The following SLU7 variants were observed in gnomAD, a reference collection of about 807,000 sequenced individuals.
The protein encoded by SLU7 is spliceosome associated SLU7.
A neutral mutation model predicts 87.0 loss-of-function variants in SLU7; 60 were observed. The observed-to-expected ratio is 0.69, with a 90% CI of 0.56 to 0.86. The LOEUF (loss-of-function observed/expected upper bound fraction) is 0.86, where lower values mean the gene tolerates loss of function less well. Ranked by LOEUF, SLU7 falls within the 40% of genes least tolerant of loss-of-function variation. The probability of loss-of-function intolerance (pLI) is 0.00; values close to 1 mark genes in which losing one functional copy is unlikely to be tolerated. For missense variants in SLU7, 507 were observed against 686.6 expected (o/e 0.74, Z 2.92); for synonymous variants, 197 against 222.0 (o/e 0.89, Z 1.00).
At chr5:160,411,539 T>C (rs953950815) in intron 6 of SLU7, among the ~76,000 whole-genome samples, 6 of 152,198 alleles carry the variant, frequency 3.9e-5, no homozygotes, top group Non-Finnish European at 8.8e-5. Flanking sequence ...TTTAAACACC[T>C]ATCTGGTAAC....
intron 6 of SLU7, among the ~76,000 whole-genome samples, chr5:160,411,181 C>G (rs1765219216): frequency 6.6e-6 from 1 of 151,726 alleles, no homozygotes; most frequent in African/African-American, 2.4e-5. Flanking sequence ...ATTCACTTTT[C>G]TAAGAGCATG....
chr5:160,415,878 A>T (rs914488556), intron 1 of SLU7, among the ~76,000 whole-genome samples: 1 of 151,402 alleles, frequency 6.6e-6, no homozygotes. Flanking sequence ...CTGACACTAC[A>T]TTCTCTTGGT....
intron 8 of SLU7, 43 bp from the exon 9 acceptor site, chr5:160,408,111 CAA>C: frequency 7.1e-7 from 1 of 1,417,586 alleles, no homozygotes; most frequent in Non-Finnish European, 9.9e-7. Context: ...TTACTCACAG[CAA>C]AAAGATTTCA....
intron 8 of SLU7, 39 bp downstream of exon 8, chr5:160,408,290 G>A (rs748117969): frequency 2.9e-5 from 45 of 1,564,484 alleles, no homozygotes; most frequent in Middle Eastern, 2.0e-4. Flanking sequence ...GGGAAGACAA[G>A]TATTTTTCAA....
At chr5:160,414,185 G>T in intron 3 of SLU7, 134 bp downstream of exon 3, 1 of 765,404 alleles carries the variant, frequency 1.3e-6, no homozygotes, top group Non-Finnish European at 2.1e-6. Flanking sequence ...AAATAGTAAT[G>T]CACTGTGAAT....
chr5:160,404,443 T>G lies in SLU7; in HGVS notation c.1578A>C (p.Lys526Asn). 2 of 1,561,942 alleles carry G rather than the reference T, an allele frequency of 1.3e-6. No individual in the cohort carries two copies. The highest frequency in any genetic ancestry group is 1.8e-6 in the Non-Finnish European group (2 of 1,140,852). ...CTATTTAGACTTCACAAATTACCTT[T>G]TTCAATTTTTCATGCTTCTTTTCTT... The part of the protein sequence containing the change: ...DDEEKKHEKL[K>N]KALNAEEARL... The change falls in exon 15 of 16, where the codon AAA becomes AAC. Residue 526 changes from lysine (K) to asparagine (N), a missense_variant. This residue lies in a region of SLU7 where 201 missense variants were observed against 213.4 expected (regional missense o/e 0.94). Transcript: ENST00000297151.
At chr5:160,403,510 G>A in intron 15 of SLU7, 46 bp from the exon 16 acceptor site, 1 of 1,485,760 alleles carries the variant, frequency 6.7e-7, no homozygotes, top group Non-Finnish European at 9.0e-7. Context: ...TACATCAGAT[G>A]TCTTTTCTTC....
At chr5:160,405,469 G>T (rs750321076) in intron 12 of SLU7, among the ~76,000 whole-genome samples, 1 of 152,246 alleles carries the variant, frequency 6.6e-6, no homozygotes, top group Non-Finnish European at 1.5e-5. Flanking sequence ...TGCCCCATTA[G>T]ATAGGGCTTG....
In SLU7 at chr5:160,413,453, C is replaced by T. The variant is rs1765322489; in HGVS notation, c.570+3G>A. On this transcript the variant is annotated splice_donor_region_variant and intron_variant, in intron 5 of 15. Transcript: ENST00000297151. ...CCCCAGGAAAGCAGGGAATTTTGCT[C>T]ACCAAATCAACTTTGGCATACTCTT... 1 of 1,612,484 alleles carries T rather than the reference C, an allele frequency of 6.2e-7. No homozygotes were observed. The highest frequency in any genetic ancestry group is 1.3e-5 in the African/African-American group (1 of 74,850).
At position 160,407,398 on chromosome 5, in the gene SLU7, C is replaced by A; in HGVS notation, c.1125+78G>T. 1 of 1,317,590 alleles carries A rather than the reference C, an allele frequency of 7.6e-7. No individual in the cohort carries two copies. Among genetic ancestry groups the A allele is most frequent in the Non-Finnish European group, 1.0e-6 (1 of 960,216 alleles). 81.6% of individuals were successfully genotyped at this position (1,317,590 alleles called of 1,614,324 possible). On this transcript the variant is annotated intron_variant, in intron 11 of 15. Coordinates refer to ENST00000297151, the MANE Select transcript of SLU7 (RefSeq NM_006425.5). The surrounding 1 kb of genome is among the most constrained non-coding windows in gnomAD (Gnocchi z 4.2). Reference sequence around the variant, plus strand: ...AGAGGGCTCTCTTTGCATTATTTTCCAAATGTAAAACTAACGCTTATTAAC... The same window carrying A: ...AGAGGGCTCTCTTTGCATTATTTTCAAAATGTAAAACTAACGCTTATTAAC...
intron 1 of SLU7, among the ~76,000 whole-genome samples, chr5:160,418,402 G>A (rs1176385838): frequency 6.6e-6 from 1 of 152,178 alleles, no homozygotes; most frequent in Non-Finnish European, 1.5e-5. Context: ...AAACCAGTAT[G>A]TTATACTTGT....
chr5:160,406,521 G>A lies in SLU7; in HGVS notation c.1234C>T (p.Arg412Trp), dbSNP rs1439807878. 3.7e-6 allele frequency: 6 copies of A among 1,613,410 alleles called. No homozygotes were observed. Among genetic ancestry groups the A allele is most frequent in the East Asian group, 2.2e-5 (1 of 44,824 alleles). ...TCATACTTAGAGCAGGCAACAGCCC[G>A]CTCCTGTCCTTTGATGACTGTCCCA... is the stretch of plus-strand genomic sequence containing the variant. ...RHGTVIKGQERAVACSKYEED... is the reference protein window; with the variant it reads ...RHGTVIKGQEWAVACSKYEED... The change falls in exon 12 of 16, where the codon CGG (arginine) becomes TGG (tryptophan). Residue 412 changes from arginine to tryptophan, a missense_variant. By Grantham distance (101) the Arg-to-Trp change is moderately radical. Transcript: ENST00000297151.
At position 160,412,453 on chromosome 5, in the gene SLU7, C is replaced by A. The variant is rs772717963; in HGVS notation, c.637G>T (p.Ala213Ser). 1 of 1,518,016 alleles carries A rather than the reference C, an allele frequency of 6.6e-7. No individual in the cohort carries two copies. Among genetic ancestry groups the A allele is most frequent in the Non-Finnish European group, 9.0e-7 (1 of 1,108,142 alleles). 94.0% of individuals were successfully genotyped at this position (1,518,016 alleles called of 1,614,324 possible). A position where few individuals can be genotyped will look rare whatever the true frequency, so the allele number is the denominator to read the frequency against. Reference sequence around the variant, plus strand: ...TATTGATCATTTTCATTACTTACAGCCTGTTCCACTAATTTTCCTGAGGCT... The same window carrying A: ...TATTGATCATTTTCATTACTTACAGACTGTTCCACTAATTTTCCTGAGGCT... Reference protein sequence around the residue: ...ELASGKLVEQANSPKHQWGEE... With the variant: ...ELASGKLVEQSNSPKHQWGEE... The change falls in exon 6 of 16, where the codon GCT (alanine) becomes TCT (serine). Residue 213 changes from alanine to serine, a missense_variant and splice_region_variant. By Grantham distance (99) the Ala-to-Ser change is moderately conservative. Around this residue, in one of 6 missense-constraint regions of SLU7, gnomAD observed 155 missense variants for 154.4 expected, o/e 1.00. Transcript: ENST00000297151.
chr5:160,418,055 TG>T (rs1437928632), intron 1 of SLU7, among the ~76,000 whole-genome samples: 2 of 152,322 alleles, frequency 1.3e-5, no homozygotes, highest in Non-Finnish European at 2.9e-5. Context: ...GCTCAATGCC[TG>T]GGGGTCTACG....
rs946023672 is a variant in SLU7, at chr5:160,401,667, A to C, written c.*1618T>G. On this transcript the variant is annotated 3_prime_UTR_variant, in exon 16 of 16. Transcript: ENST00000297151. The stretch of plus-strand genomic sequence containing the variant: ...CACAGTTAAGTATTGTCATTTATGT[A>C]TCTTTAACAAAAGATAAAATACAAA... 7.9e-5 allele frequency: 12 copies of C among 152,240 alleles called. No homozygotes were observed. The East Asian group carries it at 1.7e-3, about 22-fold the overall frequency. The allele number at this position is 152,240 out of a possible 1,614,324, so 9.4% of individuals were successfully genotyped here.
chr5:160,408,209 A>G, intron 8 of SLU7, 120 bp downstream of exon 8: 1 of 1,263,930 alleles, frequency 7.9e-7, no homozygotes. Context: ...AAAAAACAGA[A>G]TGAAACCTTA....
chr5:160,413,249 A>G (rs968283010), intron 5 of SLU7, among the ~76,000 whole-genome samples: 2 of 152,178 alleles, frequency 1.3e-5, no homozygotes, highest in African/African-American at 4.8e-5. Flanking sequence ...TAAGAATCAA[A>G]TAAGAAGAAA....
chr5:160,410,247 A>AT (rs1765176214), intron 6 of SLU7, among the ~76,000 whole-genome samples: 1 of 152,116 alleles, frequency 6.6e-6, no homozygotes, highest in Non-Finnish European at 1.5e-5. Flanking sequence ...TTATGTTCTA[A>AT]TTTTTTTCCA....
intron 12 of SLU7, 106 bp from the exon 13 acceptor site, chr5:160,405,241 G>A: frequency 1.3e-6 from 1 of 794,146 alleles, no homozygotes; most frequent in Non-Finnish European, 2.1e-6. Context: ...AGGTAATTTG[G>A]GAGAAAAATT....
Sources: allele counts gnomAD v4.1 joint callset (sites outside exome capture counted in the v4.1 genomes callset), GRCh38; gene constraint gnomAD v4.1.1; regional missense constraint gnomAD v4.1.1; non-coding constraint Gnocchi (gnomAD v3.1); transcripts MANE v1.5; gene names NCBI Gene and HGNC (gene_info 2026-07-23, HGNC 2026-07-21).